The following SLC11A2 variants were observed in gnomAD, a reference collection of about 807,000 sequenced individuals.
SLC11A2 encodes the protein solute carrier family 11 member 2.
In SLC11A2, 38 loss-of-function variants were observed where a neutral mutation model predicts 68.0. That is an observed-to-expected ratio of 0.56 (90% CI 0.43 to 0.73). The LOEUF (loss-of-function observed/expected upper bound fraction) is 0.73. Among genes scored for constraint, SLC11A2 ranks in the 30% least tolerant of loss-of-function variants. The probability of loss-of-function intolerance (pLI) is 0.00; values close to 1 mark genes in which losing one functional copy is unlikely to be tolerated. For missense variants in SLC11A2, 517 were observed against 690.5 expected (o/e 0.75, Z 2.82); for synonymous variants, 242 against 250.6 (o/e 0.97, Z 0.32).
rs59280115 is a variant in SLC11A2 at position 50,986,547 on chromosome 12, T to A, written c.*1778A>T. The A allele has an allele frequency of 1.4e-4, 175 of 1,287,110 alleles. No homozygotes were observed. The African/African-American group carries it at 2.5e-3, about 18-fold the overall frequency. 79.7% of individuals were successfully genotyped at this position (1,287,110 alleles called of 1,614,324 possible). A position where few individuals can be genotyped will look rare whatever the true frequency, so the allele number is the denominator to read the frequency against. On this transcript the variant is annotated 3_prime_UTR_variant, in exon 16 of 16. Transcript: ENST00000262052. ...CACCCAGACCCAGGGCAAAGATACA[T>A]GTTACCATATCATCTTTATAAAGAA...
chr12:50,954,866 A>T, the SLC11A2 span, among the ~76,000 whole-genome samples: 1 of 152,326 alleles, frequency 6.6e-6, no homozygotes, highest in South Asian at 2.1e-4. Flanking sequence ...AAAAGCCTGG[A>T]TCTATCTGAA....
At chr12:50,955,500 A>G in the SLC11A2 span, among the ~76,000 whole-genome samples, 3 of 152,176 alleles carry the variant, frequency 2.0e-5, no homozygotes. Flanking sequence ...TTTTGTCTGG[A>G]AACTATTAAA....
At chr12:51,000,818 G>A (rs1164639890) in intron 5 of SLC11A2, among the ~76,000 whole-genome samples, 1 of 152,132 alleles carries the variant, frequency 6.6e-6, no homozygotes, top group African/African-American at 2.4e-5. Context: ...TTAAATGATT[G>A]CAGAAGAACA....
chr12:50,968,335 C>G, the SLC11A2 span, among the ~76,000 whole-genome samples: 20 of 152,126 alleles, frequency 1.3e-4, no homozygotes, highest in African/African-American at 3.6e-4. Context: ...ACTTGTCAGA[C>G]TTACTGCCTC....
At chr12:51,006,044 A>C (rs1248923487) in intron 3 of SLC11A2, 1 of 225,574 alleles carries the variant, frequency 4.4e-6, no homozygotes, top group Non-Finnish European at 8.8e-6. Context: ...ATGTAATCCC[A>C]GCACTTTGGG....
chr12:50,975,100 G>A (rs1347636096), downstream of SLC11A2, among the ~76,000 whole-genome samples: 1 of 152,114 alleles, frequency 6.6e-6, no homozygotes, highest in Non-Finnish European at 1.5e-5. Context: ...AGGTTAACAA[G>A]GATATCCAGA....
chr12:50,974,201 G>A, the SLC11A2 span, among the ~76,000 whole-genome samples: 8 of 152,300 alleles, frequency 5.3e-5, no homozygotes, highest in East Asian at 3.9e-4. Flanking sequence ...ATTCACCAAA[G>A]TTGAAATGAA....
chr12:50,987,815 TATGG>T lies in SLC11A2; in HGVS notation c.*506_*509del. The stretch of plus-strand genomic sequence containing the variant: ...AGGTGTCTCTTCATTTTATATTTCA[TATGG>T]ATGAAGCTATTCTAGTTGATAATTT... On this transcript the variant is annotated 3_prime_UTR_variant, in exon 16 of 16. Coordinates refer to ENST00000262052, the MANE Select transcript of SLC11A2 (RefSeq NM_000617.3). The T allele has an allele frequency of 7.9e-6, 10 of 1,265,492 alleles. No individual in the cohort carries two copies. The highest frequency in any genetic ancestry group is 1.0e-5 in the Non-Finnish European group (10 of 979,082). The allele number at this position is 1,265,492 out of a possible 1,614,324, so 78.4% of individuals were successfully genotyped here. A position where few individuals can be genotyped will look rare whatever the true frequency, so the allele number is the denominator to read the frequency against.
chr12:50,978,963 T>G (rs1443735449), downstream of SLC11A2, among the ~76,000 whole-genome samples: 1 of 152,224 alleles, frequency 6.6e-6, no homozygotes, highest in Non-Finnish European at 1.5e-5. Context: ...TAGCAGTGAC[T>G]GCTCAGTAAC....
Position 50,991,601 on chromosome 12 carries a change from T to C in SLC11A2, c.1419A>G (p.Gly473=). 6.2e-7 allele frequency: 1 copy of C among 1,613,432 alleles called. No homozygotes were observed. The highest frequency in any genetic ancestry group is 8.5e-7 in the Non-Finnish European group (1 of 1,179,588). The change falls in exon 14 of 16, where the codon GGA becomes GGG. Residue 473 remains glycine, a splice_region_variant and synonymous_variant. Coordinates refer to ENST00000262052, the MANE Select transcript of SLC11A2 (RefSeq NM_000617.3). ...LRPVMSDFAN[G]LGWRIAGGIL... is the part of the protein sequence containing the mutation. ...GGAACGAAGAGGAGTACACTCACAG[T>C]CCATTGGCAAAGTCACTCATTACTG...
At chr12:51,026,210 G>T in intron 1 of SLC11A2, 100 bp downstream of exon 1, 1 of 1,202,500 alleles carries the variant, frequency 8.3e-7, no homozygotes, top group Admixed American at 3.3e-5. Flanking sequence ...TCGCATCCTA[G>T]CCCCGGAGCC....
rs114005357 is a variant in SLC11A2, at chr12:51,009,131, G to A, written c.35-507C>T. ...GTAGGACTTACTCAAATAATCGACC[G>A]TGGACATTATACCTCCATCAGACTT... On this transcript the variant is annotated intron_variant, in intron 2 of 15. Transcript: ENST00000262052. The A allele has an allele frequency of 7.9e-4, 1,203 of 1,520,054 alleles. 9 individuals carry two copies. The African/African-American group carries it at 0.014, about 17-fold the overall frequency. The allele number at this position is 1,520,054 out of a possible 1,614,324, so 94.2% of individuals were successfully genotyped here. A position where few individuals can be genotyped will look rare whatever the true frequency, so the allele number is the denominator to read the frequency against.
intron 2 of SLC11A2, among the ~76,000 whole-genome samples, chr12:51,010,386 C>T (rs556713101): frequency 2.0e-5 from 3 of 151,854 alleles, no homozygotes; most frequent in South Asian, 2.1e-4. Flanking sequence ...GGCATTGTGG[C>T]GTGTGCCTTT....
chr12:50,967,072 C>T, the SLC11A2 span, among the ~76,000 whole-genome samples: 1 of 151,690 alleles, frequency 6.6e-6, no homozygotes. Flanking sequence ...CAAGATCACA[C>T]CACTGCACTT....
At chr12:51,005,236 A>C in intron 4 of SLC11A2, 75 bp downstream of exon 4, 2 of 1,517,844 alleles carry the variant, frequency 1.3e-6, no homozygotes, top group South Asian at 2.3e-5. Flanking sequence ...GCTACTATCC[A>C]ACATGCAGGG....
intron 1 of SLC11A2, among the ~76,000 whole-genome samples, chr12:51,013,179 C>T (rs1296645746): frequency 1.3e-5 from 2 of 152,020 alleles, no homozygotes; most frequent in Non-Finnish European, 2.9e-5. Context: ...TGATATGAGG[C>T]AAACAGTCCT....
At chr12:50,979,519 C>T (rs1939906790), downstream of SLC11A2, 1 of 169,448 alleles carries the variant, frequency 5.9e-6, no homozygotes, top group African/African-American at 2.4e-5. Flanking sequence ...ATCCAACACA[C>T]TGGTTTCATC....
At chr12:50,999,918 G>C (rs1942055105) in intron 6 of SLC11A2, among the ~76,000 whole-genome samples, 1 of 152,154 alleles carries the variant, frequency 6.6e-6, no homozygotes, top group Non-Finnish European at 1.5e-5. Flanking sequence ...TGAGGCACAA[G>C]AATTGCTTGA....
chr12:50,961,059 G>A, the SLC11A2 span: 1,682 of 1,612,482 alleles, frequency 1.0e-3, 15 homozygotes, highest in East Asian at 0.018. Flanking sequence ...TTATTCACAT[G>A]AGAGTTGCTG....
Sources: allele counts gnomAD v4.1 joint callset (sites outside exome capture counted in the v4.1 genomes callset), GRCh38; gene constraint gnomAD v4.1.1; transcripts MANE v1.5; gene names NCBI Gene and HGNC (gene_info 2026-07-23, HGNC 2026-07-21).